Variants in TINAG observed in about 807,000 individuals in gnomAD.
TINAG encodes tubulointerstitial nephritis antigen.
A neutral mutation model predicts 72.7 loss-of-function variants in TINAG; 83 were observed. That is an observed-to-expected ratio of 1.14 (90% CI 0.96 to 1.37). The LOEUF is 1.37. Among genes scored for constraint, TINAG ranks in the 40% most tolerant of loss-of-function variants. The probability of loss-of-function intolerance (pLI) is 0.00; values close to 1 mark genes in which losing one functional copy is unlikely to be tolerated. For missense variants in TINAG, 685 were observed against 576.6 expected, an observed-to-expected ratio of 1.19 and a Z score of -1.93; for synonymous variants, 234 against 189.9, an observed-to-expected ratio of 1.23 and a Z score of -1.91.
At chr6:54,381,309 G>A (rs533601490) in intron 10 of TINAG, among the ~76,000 whole-genome samples, 7 of 151,124 alleles carry the variant, frequency 4.6e-5, no homozygotes, top group East Asian at 3.9e-4. Flanking sequence ...TCAAATATTC[G>A]GTTTATTACA....
At chr6:54,362,537 C>G (rs554176460) in intron 9 of TINAG, among the ~76,000 whole-genome samples, 1 of 151,720 alleles carries the variant, frequency 6.6e-6, no homozygotes, top group South Asian at 2.1e-4. Flanking sequence ...CACCTAAGAG[C>G]TCTGATGGAG....
At chr6:54,327,010 G>A in intron 4 of TINAG, 94 bp downstream of exon 4, 3 of 1,569,098 alleles carry the variant, frequency 1.9e-6, no homozygotes, top group Non-Finnish European at 2.6e-6. Flanking sequence ...AAAATAATGA[G>A]TTTTGAGCTT....
intron 6 of TINAG, among the ~76,000 whole-genome samples, chr6:54,348,321 C>A (rs1477660158): frequency 6.6e-6 from 1 of 152,054 alleles, no homozygotes; most frequent in Non-Finnish European, 1.5e-5. Flanking sequence ...TGATACTTTC[C>A]TTGTGTACTA....
intron 9 of TINAG, among the ~76,000 whole-genome samples, chr6:54,362,196 C>A (rs1763258545): frequency 6.6e-6 from 1 of 151,688 alleles, no homozygotes. Context: ...GAAGAAGATG[C>A]CATCCAGGAC....
intron 3 of TINAG, 107 bp downstream of exon 3, chr6:54,321,493 G>A (rs971235593): frequency 2.4e-5 from 18 of 738,984 alleles, no homozygotes; most frequent in Non-Finnish European, 3.9e-5. Flanking sequence ...AAGAAAGAGT[G>A]GGAGAGAAAT....
At chr6:54,379,959 G>T (rs556417284) in intron 9 of TINAG, among the ~76,000 whole-genome samples, 2 of 152,072 alleles carry the variant, frequency 1.3e-5, no homozygotes, top group African/African-American at 4.8e-5. Flanking sequence ...GCCCCAGTGT[G>T]TGATGGTCCC....
At chr6:54,356,853 C>T (rs976160349) in intron 9 of TINAG, among the ~76,000 whole-genome samples, 2 of 151,608 alleles carry the variant, frequency 1.3e-5, no homozygotes, top group African/African-American at 2.4e-5. Context: ...GCAATTTCTC[C>T]TTTTTCTTCT....
chr6:54,318,072 C>T (rs1441413320), intron 1 of TINAG, among the ~76,000 whole-genome samples: 1 of 152,040 alleles, frequency 6.6e-6, no homozygotes, highest in Non-Finnish European at 1.5e-5. Context: ...GTTTCCTCTT[C>T]TGAATGTCTG....
intron 9 of TINAG, among the ~76,000 whole-genome samples, chr6:54,378,627 A>G (rs1244442908): frequency 6.6e-6 from 1 of 152,188 alleles, no homozygotes; most frequent in East Asian, 1.9e-4. Flanking sequence ...AAAAGTTTCC[A>G]AGCTAAGGGA....
intron 4 of TINAG, 66 bp downstream of exon 4, chr6:54,326,982 A>G: frequency 6.3e-7 from 1 of 1,597,970 alleles, no homozygotes; most frequent in Non-Finnish European, 8.5e-7. Context: ...TGTGCATTAA[A>G]AGCAATTATA....
intron 9 of TINAG, among the ~76,000 whole-genome samples, chr6:54,362,630 C>T (rs1429544396): frequency 2.0e-5 from 3 of 151,588 alleles, no homozygotes; most frequent in Non-Finnish European, 4.4e-5. Flanking sequence ...GTAATTTCTA[C>T]TTTCAAGTGT....
rs1582698674 is a variant in TINAG, at chr6:54,320,697, C to T, written c.419+55C>T. The T allele has an allele frequency of 4.3e-6, 6 of 1,395,904 alleles. No homozygotes were observed. In the East Asian group the frequency reaches 1.2e-4, roughly 27 times the overall value. The allele number at this position is 1,395,904 out of a possible 1,614,324, so 86.5% of individuals were successfully genotyped here. On this transcript the variant is annotated intron_variant, in intron 2 of 10. Coordinates refer to ENST00000259782, the MANE Select transcript of TINAG (RefSeq NM_014464.4). ...TTCTACTGTGTGTGTATGTTTTCTT[C>T]AAATAAAAGAAATATTTGTGAACCA...
chr6:54,385,879 A>ATT (rs557831982), intron 10 of TINAG, among the ~76,000 whole-genome samples: 8,228 of 80,702 alleles, frequency 0.1, 1,757 homozygotes, highest in African/African-American at 0.35. Context: ...AAAAAACATG[A>ATT]TTTTTTTTTT....
At chr6:54,313,460 C>T (rs1460526406) in intron 1 of TINAG, among the ~76,000 whole-genome samples, 3 of 152,160 alleles carry the variant, frequency 2.0e-5, no homozygotes, top group African/African-American at 7.2e-5. Context: ...ACTGAACATA[C>T]TCTTCCTCCT....
intron 9 of TINAG, among the ~76,000 whole-genome samples, chr6:54,364,975 C>T (rs367824999): frequency 7.4e-4 from 112 of 151,540 alleles, no homozygotes; most frequent in African/African-American, 2.5e-3. Flanking sequence ...TTGTTGGGGC[C>T]ACCATTTGTT....
In TINAG at chr6:54,350,717, T is replaced by C. The variant is rs547040283; in HGVS notation, c.1081-635T>C. Among the ~76,000 whole-genome samples, 34 of 150,164 alleles carry C rather than the reference T, an allele frequency of 2.3e-4. No homozygotes were observed. In the East Asian group the frequency reaches 5.5e-3, roughly 24 times the overall value. On this transcript the variant is annotated intron_variant, in intron 7 of 10. Transcript: ENST00000259782. ...TTCATCTTCTCTGTGACGTTTTCCT[T>C]GATTTCCAGGCAGAATTAATTTTCC...
intron 9 of TINAG, among the ~76,000 whole-genome samples, chr6:54,370,259 C>A (rs1763563250): frequency 1.3e-5 from 2 of 151,922 alleles, no homozygotes; most frequent in African/African-American, 4.8e-5. Flanking sequence ...AATATGATTT[C>A]TTTTATGTGA....
At chr6:54,381,261 G>C (rs995402913) in intron 10 of TINAG, among the ~76,000 whole-genome samples, 1 of 150,806 alleles carries the variant, frequency 6.6e-6, no homozygotes, top group Admixed American at 6.6e-5. Flanking sequence ...GAAAGTTTCA[G>C]GTAAGAAACA....
chr6:54,380,355 G>T (rs886969929), intron 9 of TINAG, among the ~76,000 whole-genome samples, 171 bp from the exon 10 acceptor site: 2 of 152,050 alleles, frequency 1.3e-5, no homozygotes, highest in African/African-American at 4.8e-5. Flanking sequence ...TGGTAAAGAA[G>T]AAAACTATAT....
Sources: gnomAD v4.1 joint callset for allele counts (sites outside exome capture counted in the v4.1 genomes callset) on GRCh38, gnomAD v4.1.1 for gene constraint, MANE v1.5 for transcripts, NCBI Gene and HGNC (gene_info 2026-07-23, HGNC 2026-07-21) for gene names.